The following CPA6 variants were observed in gnomAD, a reference collection of about 807,000 sequenced individuals.
The protein encoded by CPA6 is carboxypeptidase B.
A neutral mutation model predicts 63.3 loss-of-function variants in CPA6; 58 were observed. The ratio of observed to expected loss-of-function variants is 0.92; its 90% CI spans 0.74 to 1.14. CPA6 has a LOEUF of 1.14. CPA6 is among the 50% of genes most tolerant of loss of function. The probability of loss-of-function intolerance (pLI) is 0.00; values close to 1 mark genes in which losing one functional copy is unlikely to be tolerated. For synonymous variants in CPA6, 185 were observed against 179.0 expected (o/e 1.03, Z -0.27); for missense variants, 565 against 526.6 (o/e 1.07, Z -0.71).
At chr8:67,461,697 C>T (rs1227063929) in intron 8 of CPA6, among the ~76,000 whole-genome samples, 1 of 151,768 alleles carries the variant, frequency 6.6e-6, no homozygotes, top group Non-Finnish European at 1.5e-5. Context: ...GGGGCTGACC[C>T]CCCCACTTCC....
chr8:67,571,517 C>T (rs576100174), intron 2 of CPA6, among the ~76,000 whole-genome samples: 40 of 151,866 alleles, frequency 2.6e-4, no homozygotes, highest in Admixed American at 1.3e-4. Flanking sequence ...TCAACCATAA[C>T]GGTATGAAAC....
At position 67,746,084 on chromosome 8, in the gene CPA6, G is replaced by T. The variant is rs200644843; in HGVS notation, c.46C>A (p.Pro16Thr). The change falls in exon 1 of 11, where the codon CCT (proline) becomes ACT (threonine). Residue 16 changes from proline to threonine, a missense_variant. Transcript: ENST00000297770. ...ATCTTCAAAAAGAGCCAGCAAAGAG[G>T]CAGGAAAGCAGCTGCCTGGCCCCTG... ...KRRGQAAAFL[P>T]LCWLFLKILQ... 191 of 1,613,802 alleles carry T rather than the reference G, an allele frequency of 1.2e-4. No individual in the cohort carries two copies. Among genetic ancestry groups the T allele is most frequent in the Non-Finnish European group, 1.6e-4 (187 of 1,179,876 alleles).
At chr8:67,542,255 T>C (rs1168713845) in intron 2 of CPA6, among the ~76,000 whole-genome samples, 3 of 152,226 alleles carry the variant, frequency 2.0e-5, no homozygotes, top group African/African-American at 7.2e-5. Flanking sequence ...TAATGACTGC[T>C]CTGTTCCAGT....
intron 1 of CPA6, among the ~76,000 whole-genome samples, chr8:67,741,592 G>A (rs972448705): frequency 2.0e-5 from 3 of 152,126 alleles, no homozygotes; most frequent in African/African-American, 2.4e-5. Context: ...GCCTCCTGTC[G>A]ATCATCAGTA....
intron 1 of CPA6, among the ~76,000 whole-genome samples, chr8:67,715,962 G>C (rs983112476): frequency 6.6e-6 from 1 of 151,760 alleles, no homozygotes; most frequent in African/African-American, 2.4e-5. Context: ...GAGATCAGCC[G>C]GACCAACGTG....
At chr8:67,743,206 T>C (rs955497094) in intron 1 of CPA6, among the ~76,000 whole-genome samples, 1 of 152,222 alleles carries the variant, frequency 6.6e-6, no homozygotes, top group African/African-American at 2.4e-5. Context: ...TCCTTTCCTA[T>C]GCATTTAAAG....
chr8:67,579,837 T>A (rs1813722057), intron 2 of CPA6, among the ~76,000 whole-genome samples: 1 of 152,268 alleles, frequency 6.6e-6, no homozygotes, highest in African/African-American at 2.4e-5. Flanking sequence ...TGGCTATGGC[T>A]GCTTTGGGGC....
At chr8:67,483,075 C>G (rs16933333) in intron 8 of CPA6, among the ~76,000 whole-genome samples, 1 of 151,902 alleles carries the variant, frequency 6.6e-6, no homozygotes, top group African/African-American at 2.4e-5. Flanking sequence ...TTTTGAGGGA[C>G]CTACAGAAAG....
At chr8:67,542,000 T>C (rs1377665154) in intron 2 of CPA6, among the ~76,000 whole-genome samples, 1 of 152,254 alleles carries the variant, frequency 6.6e-6, no homozygotes, top group Non-Finnish European at 1.5e-5. Flanking sequence ...TTATCCACTA[T>C]GTCCATTTGT....
intron 1 of CPA6, among the ~76,000 whole-genome samples, chr8:67,701,866 A>G (rs973158572): frequency 1.3e-5 from 2 of 152,194 alleles, no homozygotes; most frequent in African/African-American, 4.8e-5. Context: ...GGATTACTAC[A>G]GAGGCTGAAC....
chr8:67,663,975 C>A (rs1346183695), intron 1 of CPA6, among the ~76,000 whole-genome samples: 2 of 152,046 alleles, frequency 1.3e-5, no homozygotes, highest in Admixed American at 6.5e-5. Context: ...CAGGAGGGGG[C>A]CTTTATTGGA....
intron 2 of CPA6, among the ~76,000 whole-genome samples, chr8:67,557,094 T>C (rs749875135): frequency 6.6e-6 from 1 of 152,222 alleles, no homozygotes; most frequent in African/African-American, 2.4e-5. Context: ...CCACATTTTA[T>C]CTTTGGTTTA....
chr8:67,607,791 C>T (rs1380540686), intron 2 of CPA6, among the ~76,000 whole-genome samples: 1 of 152,142 alleles, frequency 6.6e-6, no homozygotes. Flanking sequence ...GTCTACTGCC[C>T]AATTGCTAAG....
chr8:67,574,848 G>A (rs1321556482), intron 2 of CPA6, among the ~76,000 whole-genome samples: 1 of 151,468 alleles, frequency 6.6e-6, no homozygotes, highest in Non-Finnish European at 1.5e-5. Flanking sequence ...TTTGGGTTTG[G>A]TTCCAAAGGC....
chr8:67,455,711 CTGTT>C (rs1421681656), intron 8 of CPA6, among the ~76,000 whole-genome samples: 1 of 107,186 alleles, frequency 9.3e-6, no homozygotes, highest in Non-Finnish European at 1.9e-5. Flanking sequence ...ATTGCCAAGA[CTGTT>C]TTTTTTGTTT....
intron 2 of CPA6, among the ~76,000 whole-genome samples, chr8:67,547,486 T>C (rs1403070429): frequency 1.3e-5 from 2 of 151,280 alleles, no homozygotes; most frequent in African/African-American, 4.9e-5. Flanking sequence ...TATTAACAAG[T>C]AATGAATTAT....
rs188930524 is a variant in CPA6 at position 67,698,593 on chromosome 8, A to C, written c.116+47421T>G. Among the ~76,000 whole-genome samples the C allele has an allele frequency of 1.5e-3, 232 of 152,294 alleles. 1 individual carries two copies. Among genetic ancestry groups the C allele is most frequent in the African/African-American group, 5.2e-3 (216 of 41,568 alleles). ...TTCTGTTTGCTGTCAGCATCAATCAATATAAGTCGATATGTCTTCCGATTC... is the reference window on the plus strand; with the variant it reads ...TTCTGTTTGCTGTCAGCATCAATCACTATAAGTCGATATGTCTTCCGATTC... On this transcript the variant is annotated intron_variant, in intron 1 of 10. Transcript: ENST00000297770.
chr8:67,641,715 A>C (rs904588977), intron 1 of CPA6, among the ~76,000 whole-genome samples: 1 of 152,232 alleles, frequency 6.6e-6, no homozygotes, highest in Non-Finnish European at 1.5e-5. Context: ...TGTATTCAAT[A>C]GAATTAGTGT....
chr8:67,424,465 C>T (rs1454663438), intron 10 of CPA6, among the ~76,000 whole-genome samples: 1 of 152,128 alleles, frequency 6.6e-6, no homozygotes, highest in African/African-American at 2.4e-5. Context: ...GAAATGCTCC[C>T]TGTCTTTTAC....
Sources: gnomAD v4.1 joint callset for allele counts (sites outside exome capture counted in the v4.1 genomes callset) on GRCh38, gnomAD v4.1.1 for gene constraint, MANE v1.5 for transcripts, NCBI Gene and HGNC (gene_info 2026-07-23, HGNC 2026-07-21) for gene names.